SLC31A2: variants seen among roughly 807,000 people sequenced by gnomAD.
SLC31A2 encodes protein SLC31A2.
A neutral mutation model predicts 14.4 loss-of-function variants in SLC31A2; 16 were observed. The observed-to-expected ratio is 1.11, with a 90% CI of 0.75 to 1.69. SLC31A2 has a LOEUF of 1.69. Ranked by LOEUF, SLC31A2 falls within the 40% of genes most tolerant of loss-of-function variation. The pLI is 0.00. For missense variants in SLC31A2, 140 were observed against 173.9 expected (o/e 0.81, Z 1.10); for synonymous variants, 56 against 68.7 (o/e 0.82, Z 0.91).
At chr9:113,154,064 C>T (rs1447237079) in intron 1 of SLC31A2, among the ~76,000 whole-genome samples, 2 of 152,144 alleles carry the variant, frequency 1.3e-5, no homozygotes, top group Admixed American at 6.5e-5. Context: ...CTCCACCTCC[C>T]GGGCTCAAGT....
chr9:113,161,838 ACATAGCCAAGTGAACTAG>A (rs1370701159), intron 3 of SLC31A2, 140 bp downstream of exon 3: 1 of 901,902 alleles, frequency 1.1e-6, no homozygotes. Flanking sequence ...AAGTGGCTAC[ACATAGCCAAGTGAACTAG>A]AGCTCATGTC....
chr9:113,157,012 G>A (rs982453498), intron 1 of SLC31A2, among the ~76,000 whole-genome samples: 2 of 152,314 alleles, frequency 1.3e-5, no homozygotes, highest in South Asian at 2.1e-4. Context: ...TTGTGACAAT[G>A]AAATGAGATG....
At chr9:113,157,876 T>G (rs879510000) in intron 2 of SLC31A2, 83 bp downstream of exon 2, 5 of 1,040,644 alleles carry the variant, frequency 4.8e-6, no homozygotes, top group Non-Finnish European at 7.4e-6. Flanking sequence ...CTTGATTCTC[T>G]GTGGGCATTT....
At chr9:113,155,884 A>C in intron 1 of SLC31A2, 1 of 320,632 alleles carries the variant, frequency 3.1e-6, no homozygotes, top group South Asian at 2.5e-5. Context: ...GAGGCCAGAG[A>C]GAGGCCCTGG....
At chr9:113,153,205 T>C (rs142439459) in intron 1 of SLC31A2, among the ~76,000 whole-genome samples, 27 of 151,966 alleles carry the variant, frequency 1.8e-4, no homozygotes, top group African/African-American at 5.8e-4. Flanking sequence ...CGGTACTGTG[T>C]CAGCTTTTTA....
chr9:113,161,324 C>T (rs549435198), intron 2 of SLC31A2, 185 bp from the exon 3 acceptor site: 21 of 611,138 alleles, frequency 3.4e-5, no homozygotes, highest in African/African-American at 3.3e-4. Context: ...TCTTCCTGAT[C>T]TCAAAGCCAC....
rs1829866330 is a variant in SLC31A2, at chr9:113,151,525, C to G, written c.6+445C>G. ...CCGCGCGCACACCGAGCGCACATCCCCGGCCCTGCTCTTGTCAAGTTTGTA... is the reference window on the plus strand; with the variant it reads ...CCGCGCGCACACCGAGCGCACATCCGCGGCCCTGCTCTTGTCAAGTTTGTA... On this transcript the variant is annotated intron_variant, in intron 1 of 3. Coordinates refer to ENST00000259392, the MANE Select transcript of SLC31A2 (RefSeq NM_001860.3). This position sits in a 1 kb window ranked among gnomAD's most constrained non-coding sequence, Gnocchi z 4.2. 5.9e-6 allele frequency: 1 copy of G among 169,874 alleles called. No homozygotes were observed. The highest frequency in any genetic ancestry group is 2.0e-4 in the South Asian group (1 of 5,008). 10.5% of individuals were successfully genotyped at this position (169,874 alleles called of 1,614,324 possible).
In SLC31A2 at chr9:113,163,072, A is replaced by G. The variant is rs1443917637; in HGVS notation, c.*155A>G. The G allele has an allele frequency of 4.5e-6, 3 of 670,256 alleles. No individual in the cohort carries two copies. The highest frequency in any genetic ancestry group is 7.1e-6 in the Non-Finnish European group (3 of 425,204). 41.5% of individuals were successfully genotyped at this position (670,256 alleles called of 1,614,324 possible). On this transcript the variant is annotated 3_prime_UTR_variant, in exon 4 of 4. Transcript: ENST00000259392. The stretch of plus-strand genomic sequence containing the variant: ...GCTGAAGCCAGCACTTGCTCCCTGG[A>G]GTTCGGAAGCCATTGCAGCAACCTT...
At chr9:113,157,842 T>C in intron 2 of SLC31A2, 49 bp downstream of exon 2, 1 of 1,394,446 alleles carries the variant, frequency 7.2e-7, no homozygotes, top group Non-Finnish European at 1.0e-6. Flanking sequence ...CTTGTAGTAC[T>C]AGGCAAGGGA....
rs916914306 is a variant in SLC31A2, at chr9:113,153,787, G to A, written c.6+2707G>A. Among the ~76,000 whole-genome samples the A allele has an allele frequency of 1.2e-4, 19 of 152,300 alleles. No homozygotes were observed. In the South Asian group the frequency reaches 1.4e-3, roughly 12 times the overall value. ...CAGTGAGCCCAGTCCCTGGGTAGGC[G>A]CAGGCAGGGGTTGGTGACACAAGTC... is the stretch of plus-strand genomic sequence containing the variant. On this transcript the variant is annotated intron_variant, in intron 1 of 3. Transcript: ENST00000259392.
chr9:113,164,092 A>C lies in SLC31A2; in HGVS notation c.*1175A>C, dbSNP rs1830061454. 7.4e-6 allele frequency: 1 copy of C among 135,644 alleles called. No individual in the cohort carries two copies. Among genetic ancestry groups the C allele is most frequent in the African/African-American group, 2.7e-5 (1 of 36,638 alleles). The allele number at this position is 135,644 out of a possible 1,614,324, so 8.4% of individuals were successfully genotyped here. On this transcript the variant is annotated 3_prime_UTR_variant, in exon 4 of 4. Transcript: ENST00000259392. ...GAAAAGATGGTTGTAAGCTTTGGGA[A>C]TTAAAAACAAACAAATACATTTTAG... is the stretch of plus-strand genomic sequence containing the variant.
intron 3 of SLC31A2, chr9:113,161,937 G>C: frequency 1.6e-6 from 1 of 623,154 alleles, no homozygotes; most frequent in Non-Finnish European, 2.9e-6. Flanking sequence ...TTTCTTTAGG[G>C]AACAGTGATC....
chr9:113,154,569 C>T (rs955187035), intron 1 of SLC31A2, among the ~76,000 whole-genome samples: 8 of 152,332 alleles, frequency 5.3e-5, no homozygotes, highest in South Asian at 2.1e-4. Context: ...TGAGGAGGCC[C>T]AGGAATCTGT....
At chr9:113,158,400 A>C (rs1378335248) in intron 2 of SLC31A2, among the ~76,000 whole-genome samples, 1 of 152,198 alleles carries the variant, frequency 6.6e-6, no homozygotes, top group African/African-American at 2.4e-5. Context: ...ATGGGTTACT[A>C]TTTCTTGTTA....
chr9:113,162,572 GT>G, intron 3 of SLC31A2, 176 bp from the exon 4 acceptor site: 1 of 457,736 alleles, frequency 2.2e-6, no homozygotes, highest in Non-Finnish European at 3.6e-6. Context: ...TAAATCTCGA[GT>G]TTTTTCTGGG....
intron 1 of SLC31A2, among the ~76,000 whole-genome samples, chr9:113,152,719 A>G (rs912899291): frequency 7.9e-5 from 12 of 152,224 alleles, no homozygotes; most frequent in African/African-American, 2.9e-4. Flanking sequence ...TCATCTCTGT[A>G]TCGCCAGGGT....
Position 113,163,476 on chromosome 9 carries a change from T to A in SLC31A2, c.*559T>A, listed in dbSNP as rs1186822529. ...TCATGTTGACAAACTAAGTTTTTTT[T>A]ATTTTTCCCATTGAACTCCTAGTTG... On this transcript the variant is annotated 3_prime_UTR_variant, in exon 4 of 4. Coordinates refer to ENST00000259392, the MANE Select transcript of SLC31A2 (RefSeq NM_001860.3). 2 of 152,668 alleles carry A rather than the reference T, an allele frequency of 1.3e-5. No individual in the cohort carries two copies. Among genetic ancestry groups the A allele is most frequent in the African/African-American group, 4.8e-5 (2 of 41,452 alleles). 9.5% of individuals were successfully genotyped at this position (152,668 alleles called of 1,614,324 possible). A position where few individuals can be genotyped will look rare whatever the true frequency, so the allele number is the denominator to read the frequency against.
intron 1 of SLC31A2, among the ~76,000 whole-genome samples, chr9:113,153,538 C>T (rs909707884): frequency 3.3e-5 from 5 of 152,130 alleles, no homozygotes; most frequent in Admixed American, 6.5e-5. Flanking sequence ...ACCTGATTGC[C>T]GAGTGACCAT....
chr9:113,154,637 C>G (rs1273768196), intron 1 of SLC31A2, among the ~76,000 whole-genome samples: 1 of 152,242 alleles, frequency 6.6e-6, no homozygotes, highest in Non-Finnish European at 1.5e-5. Flanking sequence ...CACTAAGCCG[C>G]TTGCCAGTGT....
Sources: allele counts gnomAD v4.1 joint callset (sites outside exome capture counted in the v4.1 genomes callset), GRCh38; gene constraint gnomAD v4.1.1; non-coding constraint Gnocchi (gnomAD v3.1); transcripts MANE v1.5; gene names NCBI Gene and HGNC (gene_info 2026-07-23, HGNC 2026-07-21).